Variants in GLIS1 observed in about 807,000 individuals in gnomAD.
GLIS1 encodes the protein zinc finger protein GLIS1.
Under a neutral mutation model 63.8 loss-of-function variants are expected in GLIS1, and 24 were observed. That is an observed-to-expected ratio of 0.38 (90% CI 0.27 to 0.53). GLIS1 has a LOEUF of 0.53. GLIS1 is among the 20% of genes least tolerant of loss of function. GLIS1 has a pLI of 0.85. For missense variants in GLIS1, 1,036 were observed against 1,074.1 expected (o/e 0.96, Z 0.50); for synonymous variants, 450 against 482.5 (o/e 0.93, Z 0.88).
At position 53,736,340 on chromosome 1, in the gene GLIS1, C is replaced by T. The variant is rs543951494; in HGVS notation, c.259+1466G>A. On this transcript the variant is annotated intron_variant, in intron 2 of 10. Transcript: ENST00000628545. ...CCCCAGGTGAAAGGTCTCACCATAG[C>T]GTGGAACAAAGATTATGTTCGGGAG... 1.5e-4 allele frequency among the ~76,000 whole-genome samples: 23 copies of T among 152,266 alleles called. No individual in the cohort carries two copies. The South Asian group carries it at 3.7e-3, about 25-fold the overall frequency.
intron 2 of GLIS1, among the ~76,000 whole-genome samples, chr1:53,650,421 C>G (rs1645893129): frequency 6.6e-6 from 1 of 152,146 alleles, no homozygotes; most frequent in Non-Finnish European, 1.5e-5. Flanking sequence ...GAAACCACGT[C>G]TCTACTAAAA....
chr1:53,523,802 T>C (rs552236066), intron 6 of GLIS1, among the ~76,000 whole-genome samples: 68 of 152,260 alleles, frequency 4.5e-4, no homozygotes, highest in African/African-American at 1.6e-3. Context: ...CCCTCAGGGT[T>C]ACCTCTCAAG....
intron 2 of GLIS1, among the ~76,000 whole-genome samples, chr1:53,631,733 C>T (rs971438352): frequency 7.3e-5 from 11 of 151,606 alleles, no homozygotes; most frequent in Non-Finnish European, 1.5e-4. Flanking sequence ...GAAGGCCTCA[C>T]TGAGAAGTGT....
intron 5 of GLIS1, among the ~76,000 whole-genome samples, chr1:53,528,724 G>A (rs978739605): frequency 3.3e-5 from 5 of 152,150 alleles, no homozygotes; most frequent in Non-Finnish European, 7.4e-5. Context: ...TTACCCTGGA[G>A]GGGTCAGCTG....
At chr1:53,734,067 T>G (rs1455375726) in intron 2 of GLIS1, 12 of 985,170 alleles carry the variant, frequency 1.2e-5, no homozygotes, top group Non-Finnish European at 1.4e-5. Context: ...ATTCCTTTTT[T>G]TTTTTTTTCA....
At chr1:53,679,701 C>T (rs1646254297) in intron 2 of GLIS1, among the ~76,000 whole-genome samples, 1 of 152,210 alleles carries the variant, frequency 6.6e-6, no homozygotes, top group South Asian at 2.1e-4. Context: ...CCCTTGGCTG[C>T]TCTGAGCATG....
intron 2 of GLIS1, among the ~76,000 whole-genome samples, chr1:53,684,293 CAGA>C (rs965393766): frequency 2.0e-5 from 3 of 152,156 alleles, no homozygotes; most frequent in African/African-American, 7.2e-5. Context: ...GGCTGGCACC[CAGA>C]AGGTGTTGTG....
chr1:53,508,257 C>T (rs1644257553), intron 10 of GLIS1, among the ~76,000 whole-genome samples: 5 of 152,370 alleles, frequency 3.3e-5, no homozygotes, highest in Admixed American at 2.6e-4. Context: ...AGCACGGGCA[C>T]ACGCAGACAC....
At chr1:53,623,130 A>G (rs1645563002) in intron 2 of GLIS1, among the ~76,000 whole-genome samples, 1 of 152,226 alleles carries the variant, frequency 6.6e-6, no homozygotes, top group Non-Finnish European at 1.5e-5. Context: ...TTACAATTTC[A>G]TATTAATGGT....
intron 2 of GLIS1, among the ~76,000 whole-genome samples, chr1:53,731,229 T>C (rs942525739): frequency 2.0e-5 from 3 of 152,212 alleles, no homozygotes; most frequent in Non-Finnish European, 4.4e-5. Context: ...AGAGAGTCTT[T>C]TTCCAGACCC....
chr1:53,695,301 G>C (rs1180586096), intron 2 of GLIS1, among the ~76,000 whole-genome samples: 1 of 152,232 alleles, frequency 6.6e-6, no homozygotes, highest in Non-Finnish European at 1.5e-5. Context: ...CCAAGTTCAT[G>C]GTGCAAGTCT....
chr1:53,613,464 C>T (rs980652061), intron 2 of GLIS1, among the ~76,000 whole-genome samples: 1 of 152,034 alleles, frequency 6.6e-6, no homozygotes, highest in African/African-American at 2.4e-5. Context: ...TAGGAGATAG[C>T]CTATATATCC....
rs1019084572 is a variant in GLIS1, at chr1:53,598,352, G to A, written c.437+1749C>T. ...GAGCCCAGGAGTTCAAGACCAGCCC[G>A]GCCAACATGGTGAAACCCCGTCTCT... On this transcript the variant is annotated intron_variant, in intron 3 of 10. Coordinates refer to ENST00000628545, the MANE Select transcript of GLIS1 (RefSeq NM_001367484.1). This position sits in a 1 kb window ranked among gnomAD's most constrained non-coding sequence, Gnocchi z 4.6. 1.3e-5 allele frequency among the ~76,000 whole-genome samples: 2 copies of A among 152,134 alleles called. No homozygotes were observed. The highest frequency in any genetic ancestry group is 2.9e-5 in the Non-Finnish European group (2 of 68,032).
At chr1:53,677,330 G>A (rs1048991159) in intron 2 of GLIS1, among the ~76,000 whole-genome samples, 3 of 152,200 alleles carry the variant, frequency 2.0e-5, no homozygotes, top group Non-Finnish European at 4.4e-5. Flanking sequence ...GAAGATGTAG[G>A]CACAAAGCTG....
intron 4 of GLIS1, among the ~76,000 whole-genome samples, chr1:53,588,775 T>C (rs1321461749): frequency 6.6e-6 from 1 of 152,112 alleles, no homozygotes; most frequent in Non-Finnish European, 1.5e-5. Context: ...TGGGCAAAAG[T>C]AGATGAGTAG....
intron 2 of GLIS1, among the ~76,000 whole-genome samples, chr1:53,673,993 G>A (rs558098578): frequency 1.3e-5 from 2 of 152,116 alleles, no homozygotes; most frequent in South Asian, 2.1e-4. Context: ...CCAACATGGT[G>A]AAACCCCGTC....
At position 53,532,247 on chromosome 1, in the gene GLIS1, C is replaced by T. The variant is rs371186133; in HGVS notation, c.1321-2295G>A. Among the ~76,000 whole-genome samples the T allele has an allele frequency of 7.2e-5, 11 of 152,284 alleles. No homozygotes were observed. The East Asian group carries it at 1.9e-3, about 27-fold the overall frequency. On this transcript the variant is annotated intron_variant, in intron 4 of 10. Coordinates refer to ENST00000628545, the MANE Select transcript of GLIS1 (RefSeq NM_001367484.1). ...ACCGGGGGAGGAGACAGGAAGATGG[C>T]AATTGTAGCAGTTCCAGAGGAGGGT...
intron 2 of GLIS1, among the ~76,000 whole-genome samples, chr1:53,641,129 G>A (rs896190157): frequency 5.3e-5 from 8 of 152,266 alleles, no homozygotes; most frequent in Admixed American, 3.3e-4. Context: ...GGGGGACCAC[G>A]GGGCAGGGTC....
chr1:53,536,979 C>T (rs558533584), intron 4 of GLIS1, among the ~76,000 whole-genome samples: 10 of 152,372 alleles, frequency 6.6e-5, no homozygotes, highest in East Asian at 1.9e-4. Flanking sequence ...CCCCGGGAAC[C>T]GTGAAGCCCC....
Sources: gnomAD v4.1 joint callset for allele counts (sites outside exome capture counted in the v4.1 genomes callset) on GRCh38, gnomAD v4.1.1 for gene constraint, Gnocchi (gnomAD v3.1) non-coding constraint, MANE v1.5 for transcripts, NCBI Gene and HGNC (gene_info 2026-07-23, HGNC 2026-07-21) for gene names.